The following ARHGAP24 variants were observed in gnomAD, a reference collection of about 807,000 sequenced individuals.
ARHGAP24 encodes rho GTPase-activating protein 24.
ARHGAP24 carries 50 observed loss-of-function variants against 76.4 expected under a neutral mutation model. The ratio of observed to expected loss-of-function variants is 0.65; its 90% CI spans 0.52 to 0.83. The LOEUF (loss-of-function observed/expected upper bound fraction) is 0.83, where lower values mean the gene tolerates loss of function less well. ARHGAP24 is among the 40% of genes least tolerant of loss of function. ARHGAP24 has a pLI of 0.00. For synonymous variants in ARHGAP24, 345 were observed against 323.3 expected, an observed-to-expected ratio of 1.07 and a Z score of -0.72; for missense variants, 930 against 914.2, an observed-to-expected ratio of 1.02 and a Z score of -0.22.
intron 3 of ARHGAP24, among the ~76,000 whole-genome samples, chr4:85,724,393 T>C (rs1399676156): frequency 5.9e-5 from 9 of 151,968 alleles, no homozygotes; most frequent in African/African-American, 1.5e-4. Context: ...CTTTGCCATA[T>C]ATTTTAGCAC....
intron 2 of ARHGAP24, among the ~76,000 whole-genome samples, chr4:85,676,581 C>G (rs2110006250): frequency 6.6e-6 from 1 of 152,244 alleles, no homozygotes; most frequent in South Asian, 2.1e-4. Flanking sequence ...AGTTAGGAAA[C>G]TTAAATGTTT....
intron 1 of ARHGAP24, among the ~76,000 whole-genome samples, chr4:85,536,145 A>C (rs1456707446): frequency 6.6e-6 from 1 of 152,154 alleles, no homozygotes; most frequent in Admixed American, 6.5e-5. Context: ...AGTACAAAAA[A>C]AAAAGGACAT....
intron 1 of ARHGAP24, among the ~76,000 whole-genome samples, chr4:85,534,416 T>A (rs1171318288): frequency 6.6e-6 from 1 of 152,142 alleles, no homozygotes; most frequent in Non-Finnish European, 1.5e-5. Flanking sequence ...TGGGCTGGCA[T>A]TCTCACCAGG....
At chr4:85,988,298 A>G (rs1326304665) in intron 8 of ARHGAP24, among the ~76,000 whole-genome samples, 2 of 151,754 alleles carry the variant, frequency 1.3e-5, no homozygotes, top group African/African-American at 2.4e-5. Flanking sequence ...ATTTTTTCTT[A>G]TTATTAATCT....
At chr4:85,905,111 A>C (rs373127328) in intron 3 of ARHGAP24, among the ~76,000 whole-genome samples, 3 of 152,294 alleles carry the variant, frequency 2.0e-5, no homozygotes, top group South Asian at 4.1e-4. Flanking sequence ...CATTACAAAA[A>C]ACATTAGAGC....
chr4:85,897,555 A>G (rs1165046604), intron 3 of ARHGAP24, among the ~76,000 whole-genome samples: 2 of 152,228 alleles, frequency 1.3e-5, no homozygotes, highest in Non-Finnish European at 2.9e-5. Context: ...TCAAATATCT[A>G]AAGAAATGGA....
intron 2 of ARHGAP24, among the ~76,000 whole-genome samples, chr4:85,593,827 C>T (rs1466588006): frequency 6.6e-6 from 1 of 152,046 alleles, no homozygotes; most frequent in Non-Finnish European, 1.5e-5. Context: ...TGCTTTTATG[C>T]CAGTACTATG....
intron 2 of ARHGAP24, among the ~76,000 whole-genome samples, chr4:85,577,264 A>G (rs886969536): frequency 1.3e-5 from 2 of 150,860 alleles, no homozygotes; most frequent in Non-Finnish European, 3.0e-5. Context: ...ATCCCTCAAA[A>G]TAAAGATTTA....
At chr4:85,704,807 A>G (rs1370832654) in intron 2 of ARHGAP24, among the ~76,000 whole-genome samples, 1 of 152,112 alleles carries the variant, frequency 6.6e-6, no homozygotes, top group Non-Finnish European at 1.5e-5. Flanking sequence ...CGTATCTGGC[A>G]TATAGTAGGG....
In ARHGAP24 at chr4:85,850,345, C is replaced by G. The variant is rs181902245; in HGVS notation, c.269-73303C>G. Among the ~76,000 whole-genome samples the G allele has an allele frequency of 2.4e-3, 371 of 152,108 alleles. 1 individual carries two copies. Among genetic ancestry groups the G allele is most frequent in the African/African-American group, 8.6e-3 (356 of 41,482 alleles). On this transcript the variant is annotated intron_variant, in intron 3 of 9. Transcript: ENST00000395184. ...CTATTTGATTCTTCTCTCTTTTCTT[C>G]TTTATTAGTCTTGCTAGCAGTCTAT...
In ARHGAP24 at chr4:85,500,224, A is replaced by T. The variant is rs546668078; in HGVS notation, c.-21+24665A>T. On this transcript the variant is annotated intron_variant, in intron 1 of 9. Coordinates refer to ENST00000395184, the MANE Select transcript of ARHGAP24 (RefSeq NM_001025616.3). The stretch of plus-strand genomic sequence containing the variant: ...TTTTAATGTAGATACTAGAAAATTT[A>T]AAATGTGGCTTCTATTATATTCCTA... Among the ~76,000 whole-genome samples the T allele has an allele frequency of 3.9e-5, 6 of 152,332 alleles. No individual in the cohort carries two copies. In the East Asian group the frequency reaches 1.2e-3, roughly 29 times the overall value.
intron 3 of ARHGAP24, among the ~76,000 whole-genome samples, chr4:85,734,307 C>T (rs1432140742): frequency 6.6e-6 from 1 of 152,114 alleles, no homozygotes; most frequent in Non-Finnish European, 1.5e-5. Flanking sequence ...TATCACTTTG[C>T]CCAAAGGAAA....
chr4:85,740,288 T>C (rs973399950), intron 3 of ARHGAP24, among the ~76,000 whole-genome samples: 2 of 151,746 alleles, frequency 1.3e-5, no homozygotes, highest in Middle Eastern at 6.8e-3. Flanking sequence ...AGTGCGGTGA[T>C]CTCGGCTCAC....
At chr4:85,932,263 G>T (rs374712403) in intron 4 of ARHGAP24, among the ~76,000 whole-genome samples, 8 of 150,424 alleles carry the variant, frequency 5.3e-5, no homozygotes, top group African/African-American at 1.9e-4. Flanking sequence ...AATTAACAAT[G>T]ACAGAAATTT....
At chr4:85,610,676 G>GA (rs1720353207) in intron 2 of ARHGAP24, among the ~76,000 whole-genome samples, 1 of 151,878 alleles carries the variant, frequency 6.6e-6, no homozygotes, top group Admixed American at 6.6e-5. Context: ...GGTGGTTTTT[G>GA]CTACCATGGT....
Position 85,771,649 on chromosome 4 carries a change from T to G in ARHGAP24, c.268+49677T>G, listed in dbSNP as rs77792258. On this transcript the variant is annotated intron_variant, in intron 3 of 9. Coordinates refer to ENST00000395184, the MANE Select transcript of ARHGAP24 (RefSeq NM_001025616.3). ...CAGCCCATTATCTGTGAATGTCTTCTAAAAGAGAAGCCTCAACATTTTGCA... is the reference window on the plus strand; with the variant it reads ...CAGCCCATTATCTGTGAATGTCTTCGAAAAGAGAAGCCTCAACATTTTGCA... Among the ~76,000 whole-genome samples, 1,458 of 152,360 alleles carry G rather than the reference T, an allele frequency of 9.6e-3. 18 individuals carry two copies. Among genetic ancestry groups the G allele is most frequent in the African/African-American group, 0.033 (1,389 of 41,588 alleles).
intron 1 of ARHGAP24, among the ~76,000 whole-genome samples, chr4:85,500,067 A>T (rs992933641): frequency 6.6e-6 from 1 of 152,174 alleles, no homozygotes; most frequent in Non-Finnish European, 1.5e-5. Flanking sequence ...TTTTTAAGAC[A>T]TAGTATGAAA....
At chr4:85,983,698 C>T (rs552980390) in intron 8 of ARHGAP24, among the ~76,000 whole-genome samples, 1 of 152,206 alleles carries the variant, frequency 6.6e-6, no homozygotes, top group South Asian at 2.1e-4. Flanking sequence ...TATTGTCTCC[C>T]CTGCTCTCAA....
intron 3 of ARHGAP24, among the ~76,000 whole-genome samples, chr4:85,864,501 AAG>A (rs1732080631): frequency 6.6e-6 from 1 of 152,144 alleles, no homozygotes; most frequent in African/African-American, 2.4e-5. Flanking sequence ...CGTATCTTCT[AAG>A]AGATCCAGAA....
Sources: gnomAD v4.1 joint callset for allele counts (sites outside exome capture counted in the v4.1 genomes callset) on GRCh38, gnomAD v4.1.1 for gene constraint, MANE v1.5 for transcripts, NCBI Gene and HGNC (gene_info 2026-07-23, HGNC 2026-07-21) for gene names.